Variants in DVL1 observed in about 807,000 individuals in gnomAD.
DVL1 encodes the protein dishevelled segment polarity protein 1.
Under a neutral mutation model 65.0 loss-of-function variants are expected in DVL1, and 49 were observed. That is an observed-to-expected ratio of 0.75 (90% CI 0.60 to 0.96). The LOEUF (loss-of-function observed/expected upper bound fraction) is 0.96. Ranked by LOEUF, DVL1 falls within the 40% of genes least tolerant of loss-of-function variation. The pLI is 0.00. For missense variants in DVL1, 1,197 were observed against 1,045.4 expected (o/e 1.15, Z -2.00); for synonymous variants, 608 against 433.9 (o/e 1.40, Z -4.99).
chr1:1,347,101 C>T (rs929302138), intron 1 of DVL1, among the ~76,000 whole-genome samples: 2 of 152,104 alleles, frequency 1.3e-5, no homozygotes, highest in Non-Finnish European at 2.9e-5. Flanking sequence ...AGGCCCCCAT[C>T]CCAGCCAGAG....
rs1569666405 is a variant in DVL1 at position 1,335,958 on chromosome 1, T to C, written c.*184A>G. Reference sequence around the variant, plus strand: ...AGAGAGGGAGCGCCCCCAACACGGCTGCTCAGACACAGGTGCTGTCAGGAG... The same window carrying C: ...AGAGAGGGAGCGCCCCCAACACGGCCGCTCAGACACAGGTGCTGTCAGGAG... On this transcript the variant is annotated 3_prime_UTR_variant, in exon 15 of 15. Coordinates refer to ENST00000378888, the MANE Select transcript of DVL1 (RefSeq NM_001330311.2). 1 of 766,598 alleles carries C rather than the reference T, an allele frequency of 1.3e-6. No homozygotes were observed. The highest frequency in any genetic ancestry group is 1.8e-5 in the African/African-American group (1 of 56,818). 47.5% of individuals were successfully genotyped at this position (766,598 alleles called of 1,614,324 possible).
In DVL1 at chr1:1,349,133, C is replaced by A. The variant is rs926839596; in HGVS notation, c.-68G>T. On this transcript the variant is annotated 5_prime_UTR_variant, in exon 1 of 15. Coordinates refer to ENST00000378888, the MANE Select transcript of DVL1 (RefSeq NM_001330311.2). This position sits in a 1 kb window ranked among gnomAD's most constrained non-coding sequence, Gnocchi z 4.1. ...CGGGGCTCGGACGCGGGGCGCTACCCGCCCGCCCGCCTGCGCCCCGCCCGG... is the reference window on the plus strand; with the variant it reads ...CGGGGCTCGGACGCGGGGCGCTACCAGCCCGCCCGCCTGCGCCCCGCCCGG... The A allele has an allele frequency of 7.8e-6, 7 of 902,278 alleles. No individual in the cohort carries two copies. Among genetic ancestry groups the A allele is most frequent in the Admixed American group, 6.2e-5 (1 of 16,008 alleles). The allele number at this position is 902,278 out of a possible 1,614,324, so 55.9% of individuals were successfully genotyped here.
At position 1,340,416 on chromosome 1, in the gene DVL1, C is replaced by T. The variant is rs140521356; in HGVS notation, c.693G>A (p.Ala231=). ...GCTCCACCCGGCTGCCTACCCGGTCCGCCTGCCGAAGGCGCTGCTTCCTCC... is the reference window on the plus strand; with the variant it reads ...GCTCCACCCGGCTGCCTACCCGGTCTGCCTGCCGAAGGCGCTGCTTCCTCC... ...RRRRKQRLRQ[A]DRASSFSSIT... Residue 231 remains alanine, a synonymous_variant, in exon 6 of 15, where the codon GCG becomes GCA. Transcript: ENST00000378888. 8.7e-6 allele frequency: 14 copies of T among 1,610,032 alleles called. No individual in the cohort carries two copies. The highest frequency in any genetic ancestry group is 3.4e-5 in the Admixed American group (2 of 59,180).
At chr1:1,345,986 G>A (rs932781809) in intron 1 of DVL1, among the ~76,000 whole-genome samples, 1 of 152,172 alleles carries the variant, frequency 6.6e-6, no homozygotes, top group Non-Finnish European at 1.5e-5. Flanking sequence ...CCCCGGTTCA[G>A]GACACACAGG....
intron 1 of DVL1, among the ~76,000 whole-genome samples, chr1:1,346,186 C>T (rs1643912370): frequency 6.6e-6 from 1 of 152,086 alleles, no homozygotes; most frequent in Admixed American, 6.5e-5. Flanking sequence ...TCCATAGCTC[C>T]CCACAGCACC....
At chr1:1,336,738 TGGG>T (rs1162898972) in intron 14 of DVL1, among the ~76,000 whole-genome samples, 1 of 152,150 alleles carries the variant, frequency 6.6e-6, no homozygotes, top group African/African-American at 2.4e-5. Flanking sequence ...GGCAGGGTCC[TGGG>T]GCAAGCTGGG....
intron 1 of DVL1, among the ~76,000 whole-genome samples, chr1:1,344,379 G>A (rs1344178126): frequency 3.3e-5 from 5 of 152,188 alleles, no homozygotes; most frequent in African/African-American, 1.2e-4. Context: ...CCTTGACTCA[G>A]CCAGACTCCG....
chr1:1,341,983 G>A, intron 4 of DVL1, 70 bp downstream of exon 4: 2 of 1,473,752 alleles, frequency 1.4e-6, no homozygotes, highest in Admixed American at 4.1e-5. Flanking sequence ...AACTGCTGTA[G>A]TAGGAACATG....
Position 1,342,075 on chromosome 1 carries a change from G to T in DVL1, c.444C>A (p.Ala148=). 6.3e-7 allele frequency: 1 copy of T among 1,585,868 alleles called. No individual in the cohort carries two copies. The highest frequency in any genetic ancestry group is 1.1e-5 in the South Asian group (1 of 87,290). The change falls in exon 4 of 15, where the codon GCC becomes GCA. Residue 148 remains alanine (A), a synonymous_variant. Transcript: ENST00000378888. ...TACCCTCCTCGCGGTTCCGGCGTCG[G>T]GCACGCTCCCGCCGGTGACTGACCA... ...ESMVSHRRER[A]RRRNREEAAR...
rs371155444 is a variant in DVL1, at chr1:1,336,223, G to T, written c.2007C>A (p.Val669=). The part of the protein sequence containing the change: ...GGPPVRELAA[V]PPELTGSRQS... The stretch of plus-strand genomic sequence containing the variant: ...GGCGGCTGCCTGTCAATTCCGGGGG[G>T]ACGGCAGCCAGCTCCCGGACAGGGG... Residue 669 remains valine, a synonymous_variant, in exon 15 of 15, where the codon GTC becomes GTA. Transcript: ENST00000378888. The T allele has an allele frequency of 2.6e-6, 4 of 1,558,732 alleles. No homozygotes were observed. The African/African-American group carries it at 5.4e-5, about 21-fold the overall frequency.
Position 1,341,748 on chromosome 1 carries a change from G to C in DVL1, c.524C>G (p.Pro175Arg). The change falls in exon 5 of 15, where the codon CCA (proline) becomes CGA (arginine). Residue 175 changes from proline (P) to arginine (R), a missense_variant. Physicochemically the swap from Pro to Arg is moderately radical, Grantham distance 103. Transcript: ENST00000378888. The stretch of plus-strand genomic sequence containing the variant: ...GCTGAGGGCGGTGGACGCGCTGTCT[G>C]GGGGCAGCCCCACATCCCGCCGTCG... ...GDRRRDVGLP[P>R]DSASTALSSE... 1 of 1,608,772 alleles carries C rather than the reference G, an allele frequency of 6.2e-7. No homozygotes were observed. The highest frequency in any genetic ancestry group is 8.5e-7 in the Non-Finnish European group (1 of 1,177,510).
rs754200896 is a variant in DVL1, at chr1:1,349,105, G to C, written c.-40C>G. ...GCGGAGCCCGCGCGCTCAGGGCCCG[G>C]CCCGGGGCTCGGACGCGGGGCGCTA... On this transcript the variant is annotated 5_prime_UTR_variant, in exon 1 of 15. Coordinates refer to ENST00000378888, the MANE Select transcript of DVL1 (RefSeq NM_001330311.2). This position sits in a 1 kb window ranked among gnomAD's most constrained non-coding sequence, Gnocchi z 4.1. 21 of 1,206,074 alleles carry C rather than the reference G, an allele frequency of 1.7e-5. No individual in the cohort carries two copies. In the South Asian group the frequency reaches 3.7e-4, roughly 21 times the overall value. 74.7% of individuals were successfully genotyped at this position (1,206,074 alleles called of 1,614,324 possible). A position where few individuals can be genotyped will look rare whatever the true frequency, so the allele number is the denominator to read the frequency against.
chr1:1,342,074 G>C lies in DVL1; in HGVS notation c.445C>G (p.Arg149Gly), dbSNP rs774543163. ...SMVSHRRERA[R>G]RRNREEAART... is the part of the protein sequence containing the mutation. Reference sequence around the variant, plus strand: ...GTACCCTCCTCGCGGTTCCGGCGTCGGGCACGCTCCCGCCGGTGACTGACC... The same window carrying C: ...GTACCCTCCTCGCGGTTCCGGCGTCCGGCACGCTCCCGCCGGTGACTGACC... Residue 149 changes from arginine to glycine, a missense_variant, in exon 4 of 15, where the codon CGA (arginine) becomes GGA (glycine). By Grantham distance (125) the Arg-to-Gly change is moderately radical (BLOSUM62 -2). Coordinates refer to ENST00000378888, the MANE Select transcript of DVL1 (RefSeq NM_001330311.2). The C allele has an allele frequency of 4.4e-6, 7 of 1,585,328 alleles. No homozygotes were observed. Among genetic ancestry groups the C allele is most frequent in the Non-Finnish European group, 8.6e-7 (1 of 1,166,442 alleles).
intron 13 of DVL1, 40 bp downstream of exon 13, chr1:1,338,229 T>TTGGGGCC: frequency 6.6e-7 from 1 of 1,522,352 alleles, no homozygotes; most frequent in South Asian, 1.2e-5. Context: ...CCTCCGGCGT[T>TTGGGGCC]CCCCTCCCCC....
intron 14 of DVL1, 46 bp from the exon 15 acceptor site, chr1:1,336,561 C>A (rs1183591184): frequency 1.4e-6 from 2 of 1,478,476 alleles, no homozygotes; most frequent in Non-Finnish European, 1.8e-6. Context: ...AGCACCAGGC[C>A]CGGCCACGTC....
intron 1 of DVL1, among the ~76,000 whole-genome samples, chr1:1,345,215 C>G (rs1468830170): frequency 6.6e-6 from 1 of 152,196 alleles, no homozygotes; most frequent in African/African-American, 2.4e-5. Context: ...TCACAGATGT[C>G]CAGCCAGGAC....
At chr1:1,340,366 G>A (rs1478858204) in intron 6 of DVL1, 44 bp downstream of exon 6, 2 of 1,613,304 alleles carry the variant, frequency 1.2e-6, no homozygotes, top group Non-Finnish European at 8.5e-7. Flanking sequence ...GCCCGACACT[G>A]ACTTCGCCTC....
chr1:1,344,369 C>A (rs1406874502), intron 1 of DVL1, among the ~76,000 whole-genome samples: 3 of 152,198 alleles, frequency 2.0e-5, no homozygotes, highest in Non-Finnish European at 4.4e-5. Context: ...CCCCGGGGCA[C>A]CTTGACTCAG....
At chr1:1,342,668 G>C in intron 2 of DVL1, 21 bp downstream of exon 2, 10 of 1,612,188 alleles carry the variant, frequency 6.2e-6, no homozygotes, top group Non-Finnish European at 8.5e-6. Flanking sequence ...GAGCCTTCGG[G>C]GCCAAGACAC....
Sources: allele counts gnomAD v4.1 joint callset (sites outside exome capture counted in the v4.1 genomes callset), GRCh38; gene constraint gnomAD v4.1.1; non-coding constraint Gnocchi (gnomAD v3.1); transcripts MANE v1.5; gene names NCBI Gene and HGNC (gene_info 2026-07-23, HGNC 2026-07-21).